PRL: variants seen among roughly 807,000 people sequenced by gnomAD.
PRL encodes the protein prolactin.
A neutral mutation model predicts 21.3 loss-of-function variants in PRL; 24 were observed. The ratio of observed to expected loss-of-function variants is 1.13; its 90% CI spans 0.82 to 1.59. The LOEUF (loss-of-function observed/expected upper bound fraction) is 1.59, where lower values mean the gene tolerates loss of function less well. Ranked by LOEUF, PRL falls within the 40% of genes most tolerant of loss-of-function variation. The pLI is 0.00. For synonymous variants in PRL, 118 were observed against 115.7 expected (o/e 1.02, Z -0.13); for missense variants, 243 against 286.9 (o/e 0.85, Z 1.10).
intron 2 of PRL, among the ~76,000 whole-genome samples, chr6:22,293,658 G>GGAAA (rs1491460434): frequency 0.45 from 13,504 of 30,132 alleles, 2,917 homozygotes; most frequent in Non-Finnish European, 0.52. Flanking sequence ...AAGGAAGGAA[G>GGAAA]GAAGGAAGGA....
Position 22,296,987 on chromosome 6 carries a change from G to C in PRL, c.-5C>G. On this transcript the variant is annotated 5_prime_UTR_variant, in exon 1 of 5. Coordinates refer to ENST00000306482, the MANE Select transcript of PRL (RefSeq NM_000948.6). ...TGGCGATCCTTTGATGTTCATGTTC[G>C]TGATCGTTGCAGGAAACACACTTCA... is the stretch of plus-strand genomic sequence containing the variant. 6.2e-7 allele frequency: 1 copy of C among 1,613,890 alleles called. No individual in the cohort carries two copies. Among genetic ancestry groups the C allele is most frequent in the Non-Finnish European group, 8.5e-7 (1 of 1,179,898 alleles).
chr6:22,299,736 G>A (rs1761249336), upstream of PRL, among the ~76,000 whole-genome samples: 2 of 152,120 alleles, frequency 1.3e-5, no homozygotes, highest in South Asian at 4.1e-4. Flanking sequence ...CTACTCAGGA[G>A]GCTGAGGCAG....
chr6:22,298,781 C>G (rs1761229373), upstream of PRL, among the ~76,000 whole-genome samples: 1 of 152,020 alleles, frequency 6.6e-6, no homozygotes, highest in African/African-American at 2.4e-5. Context: ...ATATTCTCCT[C>G]CTCTCCCATA....
At position 22,294,401 on chromosome 6, in the gene PRL, G is replaced by A; in HGVS notation, c.204+8C>T. The A allele has an allele frequency of 6.2e-7, 1 of 1,614,094 alleles. No individual in the cohort carries two copies. The highest frequency in any genetic ancestry group is 1.3e-5 in the African/African-American group (1 of 75,052). On this transcript the variant is annotated splice_region_variant and intron_variant, in intron 2 of 4. Transcript: ENST00000306482. ...CTTCAGGGAGGAAGCCAGAAGCATG[G>A]TACTTACGAATTCGCTGAACATTTC...
Position 22,288,925 on chromosome 6 carries a change from CGTGTGTGTGCAT to C in PRL, c.492+1237_492+1248del, listed in dbSNP as rs1355695515. 2.7e-5 allele frequency among the ~76,000 whole-genome samples: 4 copies of C among 147,314 alleles called. No homozygotes were observed. Among genetic ancestry groups the C allele is most frequent in the South Asian group, 2.2e-4 (1 of 4,562 alleles). ...GTGCGCGCGCGTGTGTGTGCGTGCG[CGTGTGTGTGCAT>C]GTGTGTGTGCGTGCGCGTGTGTGTG... is the stretch of plus-strand genomic sequence containing the variant. On this transcript the variant is annotated intron_variant, in intron 4 of 4. Transcript: ENST00000306482. The surrounding 1 kb of genome is among the most constrained non-coding windows in gnomAD (Gnocchi z 4.5).
intron 3 of PRL, among the ~76,000 whole-genome samples, 153 bp downstream of exon 3, chr6:22,292,385 A>G (rs1348137122): frequency 6.6e-6 from 1 of 152,202 alleles, no homozygotes; most frequent in Non-Finnish European, 1.5e-5. Context: ...CTCATATTTC[A>G]TCAACTACAT....
chr6:22,297,231 G>C (rs73389188), upstream of PRL: 2,328 of 525,010 alleles, frequency 4.4e-3, 36 homozygotes, highest in African/African-American at 0.04. Flanking sequence ...GAACATTCTA[G>C]GAAGGATTTT....
At position 22,287,492 on chromosome 6, in the gene PRL, G is replaced by C; in HGVS notation, c.594C>G (p.Asn198Lys). The change falls in exon 5 of 5, where the codon AAC (asparagine) becomes AAG (lysine). Residue 198 changes from asparagine (N) to lysine (K), a missense_variant. Coordinates refer to ENST00000306482, the MANE Select transcript of PRL (RefSeq NM_000948.6). ...DEESRLSAYY[N>K]LLHCLRRDSH... ...AATCCCTGCGTAGGCAGTGGAGCAG[G>C]TTATAATAAGCAGAAAGGCGAGACT... 1 of 1,614,154 alleles carries C rather than the reference G, an allele frequency of 6.2e-7. No homozygotes were observed. Among genetic ancestry groups the C allele is most frequent in the Non-Finnish European group, 8.5e-7 (1 of 1,179,996 alleles).
upstream of PRL, among the ~76,000 whole-genome samples, chr6:22,301,035 AGAATTAAATATTT>A (rs1419728799): frequency 3.9e-5 from 6 of 152,226 alleles, no homozygotes; most frequent in African/African-American, 1.4e-4. Flanking sequence ...TTTAGGCAAA[AGAATTAAATATTT>A]AGCTGTATGC....
At chr6:22,301,585 C>T (rs138802932), upstream of PRL, among the ~76,000 whole-genome samples, 66 of 152,300 alleles carry the variant, frequency 4.3e-4, no homozygotes, top group African/African-American at 1.5e-3. Context: ...TTACCCCTAA[C>T]TTCCCCCACT....
chr6:22,298,676 T>C (rs1178936885), upstream of PRL, among the ~76,000 whole-genome samples: 1 of 152,210 alleles, frequency 6.6e-6, no homozygotes, highest in Non-Finnish European at 1.5e-5. Flanking sequence ...CAGGATTCCA[T>C]ATACTCACAT....
chr6:22,294,662 G>C lies in PRL; in HGVS notation c.29-78C>G, dbSNP rs1761137578. 3 of 1,434,074 alleles carry C rather than the reference G, an allele frequency of 2.1e-6. No individual in the cohort carries two copies. The African/African-American group carries it at 4.3e-5, about 21-fold the overall frequency. The allele number at this position is 1,434,074 out of a possible 1,614,324, so 88.8% of individuals were successfully genotyped here. A position where few individuals can be genotyped will look rare whatever the true frequency, so the allele number is the denominator to read the frequency against. Reference sequence around the variant, plus strand: ...TTCAGAAGTAATCCTGCCGAGGAAAGCCTTATTGCTCCCCACTGCCCTCAG... The same window carrying C: ...TTCAGAAGTAATCCTGCCGAGGAAACCCTTATTGCTCCCCACTGCCCTCAG... On this transcript the variant is annotated intron_variant, in intron 1 of 4. Transcript: ENST00000306482.
At chr6:22,301,154 G>A (rs1342516048), upstream of PRL, among the ~76,000 whole-genome samples, 1 of 152,172 alleles carries the variant, frequency 6.6e-6, no homozygotes. Context: ...TTTCTTATCT[G>A]ATGGAAAGTA....
At chr6:22,301,508 A>G (rs186933232), upstream of PRL, among the ~76,000 whole-genome samples, 56 of 152,284 alleles carry the variant, frequency 3.7e-4, no homozygotes, top group African/African-American at 1.1e-3. Flanking sequence ...AAGTCAGGGA[A>G]GTGAGTCTGT....
At chr6:22,290,060 G>T in intron 4 of PRL, 114 bp downstream of exon 4, 3 of 956,392 alleles carry the variant, frequency 3.1e-6, no homozygotes, top group Non-Finnish European at 4.3e-6. Flanking sequence ...ATTTAATAGC[G>T]GTCTATAATA....
In PRL at chr6:22,288,948, G is replaced by A. The variant is rs1023154573; in HGVS notation, c.492+1226C>T. On this transcript the variant is annotated intron_variant, in intron 4 of 4. Transcript: ENST00000306482. The surrounding 1 kb of genome is among the most constrained non-coding windows in gnomAD (Gnocchi z 4.5). ...CGCGTGTGTGTGCATGTGTGTGTGC[G>A]TGCGCGTGTGTGTGCGTGTGTGTAT... is the stretch of plus-strand genomic sequence containing the variant. Among the ~76,000 whole-genome samples, 18 of 151,730 alleles carry A rather than the reference G, an allele frequency of 1.2e-4. No homozygotes were observed. The highest frequency in any genetic ancestry group is 3.4e-3 in the Middle Eastern group (1 of 292).
chr6:22,301,958 A>G (rs1761288707), upstream of PRL, among the ~76,000 whole-genome samples: 1 of 152,210 alleles, frequency 6.6e-6, no homozygotes, highest in Non-Finnish European at 1.5e-5. Flanking sequence ...ATGGGAATGT[A>G]AAAGTTCAAG....
intron 3 of PRL, 53 bp downstream of exon 3, chr6:22,292,485 T>G (rs1251831151): frequency 6.7e-7 from 1 of 1,500,572 alleles, no homozygotes; most frequent in Non-Finnish European, 9.3e-7. Flanking sequence ...ACCATGATAA[T>G]ACCCATATAC....
upstream of PRL, among the ~76,000 whole-genome samples, chr6:22,300,159 G>T (rs572278479): frequency 4.6e-5 from 7 of 151,922 alleles, no homozygotes; most frequent in Non-Finnish European, 4.4e-5. Flanking sequence ...ATCAATAGTG[G>T]TTTTTTTTGA....
Sources: gnomAD v4.1 joint callset for allele counts (sites outside exome capture counted in the v4.1 genomes callset) on GRCh38, gnomAD v4.1.1 for gene constraint, Gnocchi (gnomAD v3.1) non-coding constraint, MANE v1.5 for transcripts, NCBI Gene and HGNC (gene_info 2026-07-23, HGNC 2026-07-21) for gene names.